NRXN3: variants seen among roughly 807,000 people sequenced by gnomAD.
The protein encoded by NRXN3 is neurexin 3.
Under a neutral mutation model 137.6 loss-of-function variants are expected in NRXN3, and 32 were observed. The ratio of observed to expected loss-of-function variants is 0.23; its 90% CI spans 0.18 to 0.31. The LOEUF (loss-of-function observed/expected upper bound fraction) is 0.31. Ranked by LOEUF, NRXN3 falls within the 10% of genes least tolerant of loss-of-function variation. The pLI, the probability that NRXN3 is intolerant of heterozygous loss-of-function variation, is 1.00. For synonymous variants in NRXN3, 798 were observed against 784.5 expected (o/e 1.02, Z -0.29); for missense variants, 1,574 against 2,062.5 (o/e 0.76, Z 4.59).
intron 16 of NRXN3, among the ~76,000 whole-genome samples, chr14:79,561,158 G>T (rs753560886): frequency 3.3e-5 from 5 of 152,158 alleles, no homozygotes; most frequent in Non-Finnish European, 7.4e-5. Flanking sequence ...AAAGAAGCAG[G>T]TTGGCCTGGG....
chr14:78,332,634 C>G (rs1398338234), intron 4 of NRXN3, among the ~76,000 whole-genome samples: 1 of 152,118 alleles, frequency 6.6e-6, no homozygotes, highest in Non-Finnish European at 1.5e-5. Flanking sequence ...TTTCTTAGAG[C>G]TGTCACACTG....
intron 15 of NRXN3, among the ~76,000 whole-genome samples, chr14:79,076,219 A>G (rs1215943065): frequency 6.6e-6 from 1 of 152,190 alleles, no homozygotes; most frequent in Non-Finnish European, 1.5e-5. Flanking sequence ...TTGTTTCTAA[A>G]TAATGGTGAC....
chr14:78,540,156 T>C (rs182271909), intron 4 of NRXN3, among the ~76,000 whole-genome samples: 139 of 152,318 alleles, frequency 9.1e-4, no homozygotes, highest in Non-Finnish European at 1.4e-3. Flanking sequence ...AAGTCCTGGA[T>C]ATCCTTGTTA....
intron 4 of NRXN3, among the ~76,000 whole-genome samples, chr14:78,574,251 G>A (rs1388452694): frequency 1.3e-5 from 2 of 152,262 alleles, no homozygotes; most frequent in Non-Finnish European, 2.9e-5. Flanking sequence ...GTGCAGAAGG[G>A]AAATGTGGGG....
intron 15 of NRXN3, among the ~76,000 whole-genome samples, chr14:79,095,859 T>C (rs369365119): frequency 3.3e-5 from 5 of 152,310 alleles, no homozygotes; most frequent in African/African-American, 1.2e-4. Flanking sequence ...ATTATTGTTT[T>C]AGAATTTGAA....
intron 16 of NRXN3, among the ~76,000 whole-genome samples, chr14:79,616,216 T>C (rs550413480): frequency 5.6e-4 from 85 of 152,154 alleles, no homozygotes; most frequent in African/African-American, 2.0e-3. Context: ...GTTGGCTACA[T>C]GGCTTTCACA....
At chr14:78,426,706 T>A (rs1340488054) in intron 4 of NRXN3, among the ~76,000 whole-genome samples, 1 of 152,150 alleles carries the variant, frequency 6.6e-6, no homozygotes. Context: ...TCTTGGCAGA[T>A]AAGTATGCTC....
In NRXN3 at chr14:78,487,740, CT is replaced by C. The variant is rs2095587228; in HGVS notation, c.758-157379del. ...CTGGGCCACAAGAGTGAAACTCCAT[CT>C]CATAAATAAATAAATAAATAAATAA... On this transcript the variant is annotated intron_variant, in intron 4 of 20. Coordinates refer to ENST00000335750, the MANE Select transcript of NRXN3 (RefSeq NM_001330195.2). 6.4e-5 allele frequency among the ~76,000 whole-genome samples: 8 copies of C among 124,108 alleles called. 1 individual carries two copies. The South Asian group carries it at 2.2e-3, about 34-fold the overall frequency. 81.4% of individuals were successfully genotyped at this position (124,108 alleles called of 152,430 possible).
rs370807630 is a variant in NRXN3, at chr14:79,801,550, G to GCACACACACACACACA, written c.4015-3550_4015-3549insCACACACACACACACA. On this transcript the variant is annotated intron_variant, in intron 19 of 20. Coordinates refer to ENST00000335750, the MANE Select transcript of NRXN3 (RefSeq NM_001330195.2). Reference sequence around the variant, plus strand: ...AAGTAACTAAGTGACGTGTGTGCACGCACACACACACATCCCAGGTCACTT... The same window carrying GCACACACACACACACA: ...AAGTAACTAAGTGACGTGTGTGCACGCACACACACACACACACACACACACACATCCCAGGTCACTT... 2.1e-3 allele frequency among the ~76,000 whole-genome samples: 325 copies of GCACACACACACACACA among 152,160 alleles called. 9 individuals carry two copies. The East Asian group carries it at 0.043, about 20-fold the overall frequency.
intron 4 of NRXN3, among the ~76,000 whole-genome samples, chr14:78,325,943 A>G (rs1351218422): frequency 6.6e-6 from 1 of 152,198 alleles, no homozygotes; most frequent in Admixed American, 6.5e-5. Flanking sequence ...TTTACCCAGC[A>G]ATTGCCATCC....
At chr14:78,495,297 G>A (rs1189614638) in intron 4 of NRXN3, among the ~76,000 whole-genome samples, 1 of 151,838 alleles carries the variant, frequency 6.6e-6, no homozygotes. Flanking sequence ...AGGAAGTGAA[G>A]TACATAATCA....
At chr14:79,278,539 G>T (rs922821195) in intron 15 of NRXN3, among the ~76,000 whole-genome samples, 1 of 152,174 alleles carries the variant, frequency 6.6e-6, no homozygotes, top group Non-Finnish European at 1.5e-5. Flanking sequence ...CCCACCTGGG[G>T]CAGCCCTTCT....
At chr14:78,419,080 C>A (rs1217854378) in intron 4 of NRXN3, among the ~76,000 whole-genome samples, 1 of 152,196 alleles carries the variant, frequency 6.6e-6, no homozygotes, top group Non-Finnish European at 1.5e-5. Context: ...TCAGCACCAT[C>A]TTTGGGGTGG....
chr14:78,332,038 G>T (rs1341274474), intron 4 of NRXN3, among the ~76,000 whole-genome samples: 1 of 152,114 alleles, frequency 6.6e-6, no homozygotes, highest in Non-Finnish European at 1.5e-5. Context: ...TTAGGGCTCT[G>T]CCTCTATCCT....
intron 15 of NRXN3, among the ~76,000 whole-genome samples, chr14:79,224,021 A>G (rs993016399): frequency 6.6e-6 from 1 of 152,150 alleles, no homozygotes; most frequent in Non-Finnish European, 1.5e-5. Flanking sequence ...AAAAGAAAGA[A>G]AAAAGGATTC....
chr14:78,893,808 T>C (rs753332362), intron 10 of NRXN3, among the ~76,000 whole-genome samples: 1 of 151,930 alleles, frequency 6.6e-6, no homozygotes, highest in Non-Finnish European at 1.5e-5. Flanking sequence ...CTTAGAGATA[T>C]TGTGGGTGCA....
chr14:79,835,722 G>C (rs977310954), intron 20 of NRXN3, among the ~76,000 whole-genome samples: 4 of 152,158 alleles, frequency 2.6e-5, no homozygotes, highest in African/African-American at 9.7e-5. Context: ...ATTCAAACTG[G>C]AATATGGCCA....
At chr14:79,824,412 T>TTC (rs2099285009) in intron 20 of NRXN3, among the ~76,000 whole-genome samples, 3 of 152,304 alleles carry the variant, frequency 2.0e-5, no homozygotes, top group East Asian at 1.9e-4. Context: ...GGTTTTTTTT[T>TTC]CCACGTGCAT....
chr14:78,355,272 C>T (rs2084113028), intron 4 of NRXN3, among the ~76,000 whole-genome samples: 2 of 152,072 alleles, frequency 1.3e-5, no homozygotes, highest in East Asian at 1.9e-4. Context: ...TTATCTCTCC[C>T]TTTGAGGGAG....
Sources: allele counts gnomAD v4.1 joint callset (sites outside exome capture counted in the v4.1 genomes callset), GRCh38; gene constraint gnomAD v4.1.1; transcripts MANE v1.5; gene names NCBI Gene and HGNC (gene_info 2026-07-23, HGNC 2026-07-21).